Variants in XKRX observed in about 807,000 individuals in gnomAD.
XKRX encodes XK-related protein 2.
Under a neutral mutation model 22.4 loss-of-function variants are expected in XKRX, and 11 were observed. The observed-to-expected ratio is 0.49, with a 90% CI of 0.31 to 0.81. The LOEUF is 0.81. Ranked by LOEUF, XKRX falls within the 40% of genes least tolerant of loss-of-function variation. XKRX has a pLI of 0.05. For synonymous variants in XKRX, 114 were observed against 132.2 expected (o/e 0.86, Z 0.94); for missense variants, 320 against 336.5 (o/e 0.95, Z 0.38).
At chrX:100,941,679 A>T in the XKRX span, among the ~76,000 whole-genome samples, 3,143 of 112,389 alleles carry the variant, frequency 0.028, 94 homozygotes, top group African/African-American at 0.097. Context: ...GTTCTAATGG[A>T]CAAGCATAAA....
upstream of XKRX, among the ~76,000 whole-genome samples, chrX:100,933,965 T>C (rs1047214981): frequency 9.0e-6 from 1 of 111,590 alleles, no homozygotes; most frequent in African/African-American, 3.3e-5. Context: ...ATGCAGTCAT[T>C]ACCACAACTT....
At chrX:100,946,922 C>G in the XKRX span, among the ~76,000 whole-genome samples, 1 of 111,955 alleles carries the variant, frequency 8.9e-6, no homozygotes, top group African/African-American at 3.3e-5. Context: ...TAGAAGATAC[C>G]TGGTACACCA....
chrX:100,935,915 A>G, the XKRX span, among the ~76,000 whole-genome samples: 2 of 110,554 alleles, frequency 1.8e-5, no homozygotes, highest in African/African-American at 6.6e-5. Context: ...ATGGCCCAAG[A>G]TTCGTGAACT....
At chrX:100,901,589 A>G in the XKRX span, among the ~76,000 whole-genome samples, 1 of 112,298 alleles carries the variant, frequency 8.9e-6, no homozygotes, top group Non-Finnish European at 1.9e-5. Context: ...TTAGTAAGAT[A>G]CAGATGACCT....
chrX:100,898,597 CAA>C, the XKRX span, among the ~76,000 whole-genome samples: 26,592 of 96,324 alleles, frequency 0.28, 2,724 homozygotes, highest in East Asian at 0.37. Context: ...ACAACAACAA[CAA>C]AAAAAAAAAA....
intron 2 of XKRX, among the ~76,000 whole-genome samples, chrX:100,916,979 C>T (rs1316113081): frequency 1.8e-5 from 2 of 111,724 alleles, no homozygotes; most frequent in Admixed American, 9.5e-5. Flanking sequence ...ATTAGTCAGG[C>T]GTGGTGGCGT....
chrX:100,939,437 G>A, the XKRX span, among the ~76,000 whole-genome samples: 5 of 111,892 alleles, frequency 4.5e-5, no homozygotes, highest in South Asian at 3.7e-4. Flanking sequence ...GGTAGCTATC[G>A]TGGGTCTTAG....
At position 100,914,252 on chromosome X, in the gene XKRX, C is replaced by G; in HGVS notation, c.*86G>C. ...GTCAAGAAAATGTACTGATGGGTATCTCACCCATGAACCTCATCCTTTCGT... is the reference window on the plus strand; with the variant it reads ...GTCAAGAAAATGTACTGATGGGTATGTCACCCATGAACCTCATCCTTTCGT... On this transcript the variant is annotated 3_prime_UTR_variant, in exon 3 of 3. Transcript: ENST00000372956. 9.6e-7 allele frequency: 1 copy of G among 1,043,012 alleles called. No individual in the cohort carries two copies. The highest frequency in any genetic ancestry group is 1.3e-6 in the Non-Finnish European group (1 of 770,999). The allele number at this position is 1,043,012 out of a possible 1,213,427, so 86.0% of individuals were successfully genotyped here.
At chrX:100,938,578 G>A in the XKRX span, among the ~76,000 whole-genome samples, 199 of 111,533 alleles carry the variant, frequency 1.8e-3, 1 homozygote, top group Non-Finnish European at 2.9e-3. Context: ...GCAGTGAGCC[G>A]AGATCATGTC....
chrX:100,891,693 C>A, the XKRX span, among the ~76,000 whole-genome samples: 1 of 103,789 alleles, frequency 9.6e-6, no homozygotes, highest in Non-Finnish European at 1.9e-5. Context: ...GAGTTTGAGA[C>A]CAGCCTTGGC....
At chrX:100,896,433 A>G in the XKRX span, among the ~76,000 whole-genome samples, 1 of 112,147 alleles carries the variant, frequency 8.9e-6, no homozygotes, top group Non-Finnish European at 1.9e-5. Flanking sequence ...GAAAAAAATC[A>G]AGGTAAAGAA....
the XKRX span, among the ~76,000 whole-genome samples, chrX:100,892,445 T>C: frequency 3.6e-5 from 4 of 111,308 alleles, no homozygotes; most frequent in African/African-American, 1.3e-4. Flanking sequence ...ATACCTACTA[T>C]GTACCCATGA....
chrX:100,910,871 C>T, downstream of XKRX: 1 of 715,926 alleles, frequency 1.4e-6, no homozygotes, highest in East Asian at 3.2e-5. Context: ...TAAACCGTGC[C>T]ATGCTGAGAA....
At chrX:100,900,644 TAAAAAAAAG>T in the XKRX span, among the ~76,000 whole-genome samples, 446 of 107,852 alleles carry the variant, frequency 4.1e-3, 3 homozygotes, top group Non-Finnish European at 6.5e-3. Context: ...TCTGTAAAAT[TAAAAAAAAG>T]AAAAAAAAGA....
At chrX:100,948,951 C>T in the XKRX span, among the ~76,000 whole-genome samples, 1 of 112,752 alleles carries the variant, frequency 8.9e-6, no homozygotes, top group Non-Finnish European at 1.9e-5. Context: ...GTCATCCCTC[C>T]ATTCCGCATT....
rs191426126 is a variant in XKRX, at chrX:100,928,819, G to C, written c.-515C>G. ...AGAAGAGCGGGCGCAGAAGAAGGAGGGCAGAAGAGGGGATTCAGTTCAGTG... is the reference window on the plus strand; with the variant it reads ...AGAAGAGCGGGCGCAGAAGAAGGAGCGCAGAAGAGGGGATTCAGTTCAGTG... On this transcript the variant is annotated 5_prime_UTR_variant, in exon 1 of 3. Transcript: ENST00000372956. 1.2e-5 allele frequency: 9 copies of C among 754,906 alleles called. No homozygotes were observed. Among genetic ancestry groups the C allele is most frequent in the Admixed American group, 1.7e-4 (2 of 11,653 alleles). The allele number at this position is 754,906 out of a possible 1,213,427, so 62.2% of individuals were successfully genotyped here. A position where few individuals can be genotyped will look rare whatever the true frequency, so the allele number is the denominator to read the frequency against.
intron 2 of XKRX, 119 bp downstream of exon 2, chrX:100,922,674 A>G: frequency 5.4e-6 from 4 of 744,038 alleles, no homozygotes; most frequent in Non-Finnish European, 7.5e-6. Flanking sequence ...TTTTAATTTT[A>G]TTTAATTTTA....
intron 2 of XKRX, among the ~76,000 whole-genome samples, chrX:100,915,521 C>T (rs906330174): frequency 8.1e-5 from 9 of 111,077 alleles, no homozygotes; most frequent in African/African-American, 1.6e-4. Flanking sequence ...AACGGCCAAA[C>T]GATCAAATAA....
the XKRX span, among the ~76,000 whole-genome samples, chrX:100,947,426 TAA>T: frequency 8.9e-6 from 1 of 112,450 alleles, no homozygotes; most frequent in South Asian, 3.7e-4. Flanking sequence ...TCACGCTAAT[TAA>T]ATACTACACT....
Sources: allele counts gnomAD v4.1 joint callset (sites outside exome capture counted in the v4.1 genomes callset), GRCh38; gene constraint gnomAD v4.1.1; transcripts MANE v1.5; gene names NCBI Gene and HGNC (gene_info 2026-07-23, HGNC 2026-07-21).